Variants in PACS2 observed in about 807,000 individuals in gnomAD.
PACS2 encodes PACS1-like protein.
Under a neutral mutation model 113.0 loss-of-function variants are expected in PACS2, and 36 were observed. The ratio of observed to expected loss-of-function variants is 0.32; its 90% CI spans 0.24 to 0.42. The LOEUF is 0.42. Ranked by LOEUF, PACS2 falls within the 10% of genes least tolerant of loss-of-function variation. The probability of loss-of-function intolerance (pLI) is 1.00; values close to 1 mark genes in which losing one functional copy is unlikely to be tolerated. For synonymous variants in PACS2, 589 were observed against 536.1 expected, an observed-to-expected ratio of 1.10 and a Z score of -1.36; for missense variants, 1,015 against 1,239.5, an observed-to-expected ratio of 0.82 and a Z score of 2.72.
rs782188439 is a variant in PACS2 at position 105,368,480 on chromosome 14, G to C, written c.682G>C (p.Asp228His). 3.0e-5 allele frequency: 49 copies of C among 1,613,894 alleles called. No homozygotes were observed. The highest frequency in any genetic ancestry group is 4.0e-5 in the Non-Finnish European group (47 of 1,179,954). ...QGQDLDEDDFDVGKPKKQRRS... is the reference protein window; with the variant it reads ...QGQDLDEDDFHVGKPKKQRRS... ...GCAGGACTTGGACGAGGACGACTTT[G>C]ACGTGGGGAAGCCGAAGAAGCAGCG... The change falls in exon 7 of 25, where the codon GAC becomes CAC. Residue 228 changes from aspartate to histidine, a missense_variant. Physicochemically the swap from Asp to His is moderately conservative, Grantham distance 81 (BLOSUM62 -1). Coordinates refer to ENST00000447393, the MANE Select transcript of PACS2 (RefSeq NM_001100913.3).
chr14:105,360,356 A>G (rs1283204092), intron 4 of PACS2, among the ~76,000 whole-genome samples: 2 of 152,152 alleles, frequency 1.3e-5, no homozygotes, highest in East Asian at 3.9e-4. Flanking sequence ...CCTGGCCAAT[A>G]TGGTGAAATG....
chr14:105,360,852 G>A (rs895852805), intron 4 of PACS2, among the ~76,000 whole-genome samples: 5 of 152,144 alleles, frequency 3.3e-5, no homozygotes, highest in South Asian at 2.1e-4. Context: ...TAACCGAGAC[G>A]GTGGACTCTC....
intron 1 of PACS2, among the ~76,000 whole-genome samples, chr14:105,307,453 C>T (rs1393886178): frequency 6.6e-6 from 1 of 152,196 alleles, no homozygotes; most frequent in Non-Finnish European, 1.5e-5. Flanking sequence ...TTCCCTTCAC[C>T]CCCTCCCTGT....
chr14:105,361,106 CGA>C (rs2060662332), intron 4 of PACS2, among the ~76,000 whole-genome samples: 1 of 152,202 alleles, frequency 6.6e-6, no homozygotes, highest in Non-Finnish European at 1.5e-5. Flanking sequence ...AAGTCATCCA[CGA>C]GAGAGTTGGA....
Position 105,391,637 on chromosome 14 carries a change from C to T in PACS2, c.2126C>T (p.Ser709Leu), listed in dbSNP as rs782260236. The change falls in exon 22 of 25, where the codon TCG (serine) becomes TTG (leucine). Residue 709 changes from serine to leucine, a missense_variant. By Grantham distance (145) the Ser-to-Leu change is moderately radical. Transcript: ENST00000447393. ...CTGTGACTCCTCCCCAAAGGCGACT[C>T]GGACGACGCGGCCCCCTCGGGCTCT... ...VEPSSATSGDSDDAAPSGSGT... is the reference protein window; with the variant it reads ...VEPSSATSGDLDDAAPSGSGT... The T allele has an allele frequency of 1.7e-5, 28 of 1,609,178 alleles. No individual in the cohort carries two copies. Among genetic ancestry groups the T allele is most frequent in the East Asian group, 1.1e-4 (5 of 44,816 alleles).
chr14:105,302,559 G>T, intron 1 of PACS2, among the ~76,000 whole-genome samples: 1 of 151,322 alleles, frequency 6.6e-6, no homozygotes. Flanking sequence ...ACTTAATTTG[G>T]TTCAATGTGT....
Position 105,324,355 on chromosome 14 carries a change from A to T in PACS2, c.119+9318A>T, listed in dbSNP as rs2059015040. Among the ~76,000 whole-genome samples, 1 of 151,720 alleles carries T rather than the reference A, an allele frequency of 6.6e-6. No homozygotes were observed. The highest frequency in any genetic ancestry group is 6.6e-5 in the Admixed American group (1 of 15,244). ...GGTGCAGGTGGGAAGGGGTGGCAGG[A>T]TGGAGGTTGTACAGTGCTTTCCCCA... On this transcript the variant is annotated intron_variant, in intron 1 of 24. Transcript: ENST00000447393. This position sits in a 1 kb window ranked among gnomAD's most constrained non-coding sequence, Gnocchi z 4.7.
At chr14:105,383,565 T>A in intron 16 of PACS2, 52 bp downstream of exon 16, 1 of 1,516,124 alleles carries the variant, frequency 6.6e-7, no homozygotes, top group Non-Finnish European at 8.9e-7. Context: ...ACGGGCAGTG[T>A]GGCGTGGCAT....
chr14:105,328,329 AG>A (rs2059195294), intron 1 of PACS2, among the ~76,000 whole-genome samples: 1 of 152,202 alleles, frequency 6.6e-6, no homozygotes, highest in African/African-American at 2.4e-5. Context: ...CCCTTCAGAA[AG>A]GGGACCCAGT....
intron 11 of PACS2, 98 bp from the exon 12 acceptor site, chr14:105,380,859 G>A: frequency 1.6e-6 from 2 of 1,232,668 alleles, no homozygotes; most frequent in Non-Finnish European, 2.2e-6. Flanking sequence ...GCCTAGAGAG[G>A]CCTAAACCCT....
intron 3 of PACS2, among the ~76,000 whole-genome samples, chr14:105,353,145 G>A (rs112617393): frequency 5.0e-4 from 64 of 128,310 alleles, no homozygotes; most frequent in South Asian, 2.4e-3. Context: ...ACTGTCCCCT[G>A]GGGAGACGGG....
rs1555412463 is a variant in PACS2 at position 105,382,881 on chromosome 14, C to T, written c.1593C>T (p.Ala531=). 3 of 1,606,380 alleles carry T rather than the reference C, an allele frequency of 1.9e-6. No individual in the cohort carries two copies. The Admixed American group carries it at 5.0e-5, about 27-fold the overall frequency. The change falls in exon 15 of 25, where the codon GCC becomes GCT. Residue 531 remains alanine, a synonymous_variant. Coordinates refer to ENST00000447393, the MANE Select transcript of PACS2 (RefSeq NM_001100913.3). The stretch of plus-strand genomic sequence containing the variant: ...GCTCTCCTGCGGACGTCCAGGCGGC[C>T]TTCAGCACCATCGTCTCACGGATAC... ...CTCSPADVQA[A]FSTIVSRIQR...
rs183831333 is a variant in PACS2, at chr14:105,357,916, C to T, written c.423+2739C>T. On this transcript the variant is annotated intron_variant, in intron 4 of 24. Coordinates refer to ENST00000447393, the MANE Select transcript of PACS2 (RefSeq NM_001100913.3). This position sits in a 1 kb window ranked among gnomAD's most constrained non-coding sequence, Gnocchi z 5.1. Reference sequence around the variant, plus strand: ...CTTGAGGGCACAGGGTGGGGTGAGGCGGGCTGTTGGGCGGACTCGAGGCCA... The same window carrying T: ...CTTGAGGGCACAGGGTGGGGTGAGGTGGGCTGTTGGGCGGACTCGAGGCCA... Among the ~76,000 whole-genome samples, 67 of 152,044 alleles carry T rather than the reference C, an allele frequency of 4.4e-4. No homozygotes were observed. Among genetic ancestry groups the T allele is most frequent in the African/African-American group, 1.6e-3 (66 of 41,466 alleles).
chr14:105,393,411 C>A (rs2081428709), intron 24 of PACS2, 76 bp downstream of exon 24: 1 of 950,918 alleles, frequency 1.1e-6, no homozygotes. Flanking sequence ...GGAGCCCAGC[C>A]TAGGAGCTGC....
chr14:105,333,903 C>T (rs1172843323), intron 1 of PACS2, among the ~76,000 whole-genome samples: 1 of 152,226 alleles, frequency 6.6e-6, no homozygotes, highest in Non-Finnish European at 1.5e-5. Flanking sequence ...CCCCAGCTGT[C>T]ACACGCACCT....
At chr14:105,368,685 G>A (rs1267435092) in intron 7 of PACS2, 146 bp downstream of exon 7, 1 of 664,640 alleles carries the variant, frequency 1.5e-6, no homozygotes, top group Non-Finnish European at 2.7e-6. Context: ...CCCCCTGATT[G>A]CCAGTCTCCT....
At position 105,381,032 on chromosome 14, in the gene PACS2, T is replaced by C. The variant is rs931236756; in HGVS notation, c.1201T>C (p.Phe401Leu). Residue 401 changes from phenylalanine to leucine, a missense_variant, in exon 12 of 25, where the codon TTC (phenylalanine) becomes CTC (leucine). Physicochemically the swap from Phe to Leu is conservative, Grantham distance 22. Around this residue, in one of 3 missense-constraint regions of PACS2, gnomAD observed 859 missense variants for 1,056.8 expected, o/e 0.81. Transcript: ENST00000447393. Reference sequence around the variant, plus strand: ...GGCTGAGGCCTCCACCCTGGATGTGTTCACGGAGAGGCTGCCGCCCAGCGG... The same window carrying C: ...GGCTGAGGCCTCCACCCTGGATGTGCTCACGGAGAGGCTGCCGCCCAGCGG... ...PEAEASTLDVFTERLPPSGRI... is the reference protein window; with the variant it reads ...PEAEASTLDVLTERLPPSGRI... 28 of 1,612,438 alleles carry C rather than the reference T, an allele frequency of 1.7e-5. No homozygotes were observed. Among genetic ancestry groups the C allele is most frequent in the Non-Finnish European group, 2.1e-5 (25 of 1,179,752 alleles).
upstream of PACS2, among the ~76,000 whole-genome samples, chr14:105,310,533 C>CACAAA (rs2058325183): frequency 1.3e-5 from 1 of 79,742 alleles, no homozygotes; most frequent in Non-Finnish European, 2.3e-5. Flanking sequence ...GACTCTGTCT[C>CACAAA]AAAAAAAAAA....
rs375097003 is a variant in PACS2 at position 105,340,618 on chromosome 14, C to T, written c.120-7875C>T. Among the ~76,000 whole-genome samples, 6 of 152,308 alleles carry T rather than the reference C, an allele frequency of 3.9e-5. No individual in the cohort carries two copies. The South Asian group carries it at 8.3e-4, about 21-fold the overall frequency. Reference sequence around the variant, plus strand: ...TCCCTGGTGCTCATCTCCTGCTGTGCGGCCAGTTGCTAACAGGCCAGGAAC... The same window carrying T: ...TCCCTGGTGCTCATCTCCTGCTGTGTGGCCAGTTGCTAACAGGCCAGGAAC... On this transcript the variant is annotated intron_variant, in intron 1 of 24. Coordinates refer to ENST00000447393, the MANE Select transcript of PACS2 (RefSeq NM_001100913.3). This position sits in a 1 kb window ranked among gnomAD's most constrained non-coding sequence, Gnocchi z 4.2.
Sources: allele counts gnomAD v4.1 joint callset (sites outside exome capture counted in the v4.1 genomes callset), GRCh38; gene constraint gnomAD v4.1.1; regional missense constraint gnomAD v4.1.1; non-coding constraint Gnocchi (gnomAD v3.1); transcripts MANE v1.5; gene names NCBI Gene and HGNC (gene_info 2026-07-23, HGNC 2026-07-21).